Variants in SAMD11 observed in about 807,000 individuals in gnomAD.
SAMD11 encodes the protein sterile alpha motif domain-containing protein 11.
A neutral mutation model predicts 64.4 loss-of-function variants in SAMD11; 77 were observed. The ratio of observed to expected loss-of-function variants is 1.20; its 90% CI spans 0.99 to 1.44. SAMD11 has a LOEUF of 1.44. Among genes scored for constraint, SAMD11 ranks in the 40% most tolerant of loss-of-function variants. The pLI is 0.00. For synonymous variants in SAMD11, 658 were observed against 421.9 expected, an observed-to-expected ratio of 1.56 and a Z score of -6.86; for missense variants, 1,402 against 943.3, an observed-to-expected ratio of 1.49 and a Z score of -6.37.
Position 944,021 on chromosome 1 carries a change from C to G in SAMD11, c.2403C>G (p.Pro801=), listed in dbSNP as rs141154114. The G allele has an allele frequency of 8.1e-6, 13 of 1,612,812 alleles. No homozygotes were observed. The African/African-American group carries it at 1.7e-4, about 22-fold the overall frequency. The stretch of plus-strand genomic sequence containing the variant: ...GAGAACTCGGCACAGGAGAGCAGCC[C>G]TTGTCCCCCACGACGGCCACGTCCC... ...PERELGTGEQ[P]LSPTTATSPY... The change falls in exon 14 of 14, where the codon CCC becomes CCG. Residue 801 remains proline (P), a synonymous_variant. Coordinates refer to ENST00000616016, the MANE Select transcript of SAMD11 (RefSeq NM_001385641.1).
chr1:943,188 C>CG, intron 11 of SAMD11, 65 bp from the exon 12 acceptor site: 1 of 1,606,854 alleles, frequency 6.2e-7, no homozygotes, highest in African/African-American at 1.3e-5. Flanking sequence ...GGGCACACGA[C>CG]GGTCAGGAGA....
intron 5 of SAMD11, among the ~76,000 whole-genome samples, chr1:936,847 C>G (rs540616052): frequency 6.6e-6 from 1 of 152,308 alleles, no homozygotes; most frequent in African/African-American, 2.4e-5. Context: ...CCCATCGATC[C>G]AGCAGAGCGG....
chr1:936,928 T>C (rs1428713436), intron 5 of SAMD11, among the ~76,000 whole-genome samples: 2 of 152,160 alleles, frequency 1.3e-5, no homozygotes, highest in African/African-American at 4.8e-5. Flanking sequence ...CAGGGAGACC[T>C]CCTCAGGTAC....
At chr1:935,424 G>C (rs1365469358) in intron 4 of SAMD11, among the ~76,000 whole-genome samples, 1 of 130,428 alleles carries the variant, frequency 7.7e-6, no homozygotes, top group Admixed American at 7.4e-5. Flanking sequence ...CCTCTTCCCG[G>C]GCGCCCGGTG....
In SAMD11 at chr1:942,766, C is replaced by A. The variant is rs1412637641; in HGVS notation, c.1761C>A (p.Ser587=). 6.5e-7 allele frequency: 1 copy of A among 1,531,780 alleles called. No homozygotes were observed. Among genetic ancestry groups the A allele is most frequent in the Non-Finnish European group, 8.8e-7 (1 of 1,141,620 alleles). 94.9% of individuals were successfully genotyped at this position (1,531,780 alleles called of 1,614,324 possible). A position where few individuals can be genotyped will look rare whatever the true frequency, so the allele number is the denominator to read the frequency against. The change falls in exon 11 of 14, where the codon TCC becomes TCA. Residue 587 remains serine, a synonymous_variant. Transcript: ENST00000616016. ...CGGGCTCCGGACCCCCCACCCCGTC[C>A]CGGGACTCTGCCCGGCGAGCCCCCC... is the stretch of plus-strand genomic sequence containing the variant. The part of the protein sequence containing the change: ...GPPGSGPPTP[S]RDSARRAPRK...
Position 944,149 on chromosome 1 carries a change from G to A in SAMD11, c.2531G>A (p.Cys844Tyr), listed in dbSNP as rs564346715. ...PGAPDPSQPL[C>Y] The stretch of plus-strand genomic sequence containing the variant: ...GCCCCCGACCCTTCCCAGCCTCTGT[G>A]TTGAGGTTGCCGGGGGTAGGGGTGG... Residue 844 changes from cysteine (C) to tyrosine (Y), a missense_variant, in exon 14 of 14, where the codon TGT (cysteine) becomes TAT (tyrosine). Coordinates refer to ENST00000616016, the MANE Select transcript of SAMD11 (RefSeq NM_001385641.1). 1 of 1,551,982 alleles carries A rather than the reference G, an allele frequency of 6.4e-7. No individual in the cohort carries two copies. Among genetic ancestry groups the A allele is most frequent in the South Asian group, 1.2e-5 (1 of 81,790 alleles).
At chr1:929,129 A>G (rs1263874230) in intron 2 of SAMD11, among the ~76,000 whole-genome samples, 1 of 152,220 alleles carries the variant, frequency 6.6e-6, no homozygotes, top group Non-Finnish European at 1.5e-5. Context: ...GGCAGGACCT[A>G]GAAACACTGG....
intron 2 of SAMD11, 40 bp from the exon 3 acceptor site, chr1:930,115 T>G: frequency 6.5e-7 from 1 of 1,530,442 alleles, no homozygotes; most frequent in Non-Finnish European, 8.8e-7. Context: ...CCCACCTTCC[T>G]CTCCTCCTGC....
chr1:943,169 C>T (rs1641905148), intron 11 of SAMD11, 84 bp from the exon 12 acceptor site: 4 of 1,599,768 alleles, frequency 2.5e-6, no homozygotes, highest in South Asian at 1.1e-5. Flanking sequence ...TCCCCCACCT[C>T]AGCAATTGGG....
At position 944,134 on chromosome 1, in the gene SAMD11, CT is replaced by C; in HGVS notation, c.2518del (p.Ser840ProfsTer45). On this transcript the variant is annotated frameshift_variant, in exon 14 of 14. Transcript: ENST00000616016. LOFTEE classifies it high-confidence loss of function. ...GCTCTACTTCCAGGGGCCCCCGACC[CT>C]TCCCAGCCTCTGTGTTGAGGTTGCC... ...TLALLPGAPD[P>X]SQPLC The C allele has an allele frequency of 1.3e-6, 2 of 1,577,336 alleles. No homozygotes were observed. The highest frequency in any genetic ancestry group is 8.6e-7 in the Non-Finnish European group (1 of 1,159,968).
At chr1:929,850 CA>C (rs1485278678) in intron 2 of SAMD11, among the ~76,000 whole-genome samples, 1 of 152,146 alleles carries the variant, frequency 6.6e-6, no homozygotes, top group African/African-American at 2.4e-5. Context: ...TGGGGTGGGG[CA>C]GGGGAGGGCT....
chr1:942,995 C>T lies in SAMD11; in HGVS notation c.1990C>T (p.Leu664Phe). ...AGGAGAEGKG[L>F]FPGSTLPLGF... Reference sequence around the variant, plus strand: ...AGGGGCCGGCGCCGAGGGGAAGGGGCTTTTCCCAGGGTCCACACTGCCCCT... The same window carrying T: ...AGGGGCCGGCGCCGAGGGGAAGGGGTTTTTCCCAGGGTCCACACTGCCCCT... The change falls in exon 11 of 14, where the codon CTT (leucine) becomes TTT (phenylalanine). Residue 664 changes from leucine to phenylalanine, a missense_variant. By Grantham distance (22) the Leu-to-Phe change is conservative. Transcript: ENST00000616016. 2 of 1,539,398 alleles carry T rather than the reference C, an allele frequency of 1.3e-6. No individual in the cohort carries two copies. Among genetic ancestry groups the T allele is most frequent in the Middle Eastern group, 1.7e-4 (1 of 5,724 alleles).
At chr1:926,157 C>G (rs1370755858) in intron 2 of SAMD11, 144 bp downstream of exon 2, 5 of 783,124 alleles carry the variant, frequency 6.4e-6, no homozygotes, top group South Asian at 1.6e-5. Context: ...CAGGGGGAAG[C>G]GGCTTTACCT....
rs374021935 is a variant in SAMD11, at chr1:943,731, C to G, written c.2212C>G (p.Leu738Val). The G allele has an allele frequency of 1.1e-5, 18 of 1,603,258 alleles. No individual in the cohort carries two copies. Among genetic ancestry groups the G allele is most frequent in the Non-Finnish European group, 1.5e-5 (18 of 1,174,056 alleles). Residue 738 changes from leucine (L) to valine (V), a missense_variant, in exon 13 of 14, where the codon CTG becomes GTG. Physicochemically the swap from Leu to Val is conservative, Grantham distance 32. Transcript: ENST00000616016. ...GGAGCAGGGGATCGACGGGGAGACC[C>G]TGCCACTGCTGACGGAGGAGCACCT... ...FREQGIDGET[L>V]PLLTEEHLLT...
At chr1:935,984 A>G in intron 5 of SAMD11, 88 bp downstream of exon 5, 1 of 1,405,136 alleles carries the variant, frequency 7.1e-7, no homozygotes. Context: ...CAGCCTTGGC[A>G]GGCAGCCAGA....
chr1:937,657 G>A (rs1005466797), intron 5 of SAMD11, among the ~76,000 whole-genome samples: 4 of 152,122 alleles, frequency 2.6e-5, no homozygotes, highest in Non-Finnish European at 5.9e-5. Flanking sequence ...GCTTCTCAGG[G>A]GCCTGAGCAG....
At position 924,607 on chromosome 1, in the gene SAMD11, A is replaced by G. The variant is rs1250942466; in HGVS notation, c.176A>G (p.Tyr59Cys). The change falls in exon 1 of 14, where the codon TAC (tyrosine) becomes TGC (cysteine). Residue 59 changes from tyrosine to cysteine, a missense_variant. Physicochemically the swap from Tyr to Cys is radical, Grantham distance 194. Transcript: ENST00000616016. ...TCGCTGCCCGCCTCGGCCGCCGGTT[A>G]CGAGGCTCTGCTGGCCCCGCCGCTC... is the stretch of plus-strand genomic sequence containing the variant. ...AASLPASAAG[Y>C]EALLAPPLRP... 6.6e-6 allele frequency: 1 copy of G among 151,090 alleles called. No homozygotes were observed. Among genetic ancestry groups the G allele is most frequent in the Non-Finnish European group, 1.5e-5 (1 of 67,582 alleles). 9.4% of individuals were successfully genotyped at this position (151,090 alleles called of 1,614,324 possible). A position where few individuals can be genotyped will look rare whatever the true frequency, so the allele number is the denominator to read the frequency against.
intron 7 of SAMD11, chr1:940,358 T>C (rs1266534491): frequency 6.9e-6 from 1 of 145,740 alleles, no homozygotes; most frequent in East Asian, 2.1e-4. Context: ...ACCCGGCCGC[T>C]AGCGCGGGGG....
At chr1:942,063 CG>C (rs979902726) in intron 8 of SAMD11, 72 bp from the exon 9 acceptor site, 41 of 462,678 alleles carry the variant, frequency 8.9e-5, no homozygotes, top group Admixed American at 8.5e-4. Flanking sequence ...GCGGAGGCGG[CG>C]GGGGAGGGGC....
Sources: gnomAD v4.1 joint callset for allele counts (sites outside exome capture counted in the v4.1 genomes callset) on GRCh38, gnomAD v4.1.1 for gene constraint, MANE v1.5 for transcripts, NCBI Gene and HGNC (gene_info 2026-07-23, HGNC 2026-07-21) for gene names.